SLC44A3: variants seen among roughly 807,000 people sequenced by gnomAD.
SLC44A3 encodes the protein solute carrier family 44 member 3.
Under a neutral mutation model 75.4 loss-of-function variants are expected in SLC44A3, and 74 were observed. The observed-to-expected ratio is 0.98, with a 90% CI of 0.81 to 1.19. The LOEUF (loss-of-function observed/expected upper bound fraction) is 1.19, where lower values mean the gene tolerates loss of function less well. Ranked by LOEUF, SLC44A3 falls within the 50% of genes most tolerant of loss-of-function variation. The pLI is 0.00. For synonymous variants in SLC44A3, 310 were observed against 296.9 expected, an observed-to-expected ratio of 1.04 and a Z score of -0.45; for missense variants, 700 against 778.6, an observed-to-expected ratio of 0.90 and a Z score of 1.20.
chr1:94,859,418 G>C (rs200507133), intron 10 of SLC44A3, among the ~76,000 whole-genome samples: 1 of 141,248 alleles, frequency 7.1e-6, no homozygotes. Context: ...GAGAGCCAAA[G>C]AGAGGGAGGT....
chr1:94,894,864 A>AG lies in SLC44A3; in HGVS notation c.1906dup (p.Asp636GlyfsTer8), dbSNP rs1338836916. 3 of 1,612,504 alleles carry AG rather than the reference A, an allele frequency of 1.9e-6. No homozygotes were observed. The highest frequency in any genetic ancestry group is 3.3e-5 in the Admixed American group (2 of 59,998). The stretch of plus-strand genomic sequence containing the variant: ...AAATTAAACAATGCAAGGGCACAGC[A>AG]GGACAAGCACTCATTAAGGAATGAG... On this transcript the variant is annotated frameshift_variant, in exon 15 of 15. Coordinates refer to ENST00000271227, the MANE Select transcript of SLC44A3 (RefSeq NM_001114106.3). LOFTEE classifies it low-confidence loss of function (END_TRUNC).
At chr1:94,861,254 A>G (rs937399813) in intron 10 of SLC44A3, among the ~76,000 whole-genome samples, 1 of 152,300 alleles carries the variant, frequency 6.6e-6, no homozygotes, top group Non-Finnish European at 1.5e-5. Context: ...GTGTGAGGAG[A>G]TTGGGGGAGT....
At chr1:94,889,836 T>C (rs1265054603) in intron 12 of SLC44A3, among the ~76,000 whole-genome samples, 1 of 152,070 alleles carries the variant, frequency 6.6e-6, no homozygotes, top group African/African-American at 2.4e-5. Context: ...CCAGTTACAC[T>C]GTATATTTTT....
In SLC44A3 at chr1:94,891,135, A is replaced by T; in HGVS notation, c.1488A>T (p.Ala496=). The T allele has an allele frequency of 6.2e-7, 1 of 1,601,306 alleles. No individual in the cohort carries two copies. The highest frequency in any genetic ancestry group is 8.5e-7 in the Non-Finnish European group (1 of 1,176,068). The change falls in exon 13 of 15, where the codon GCA becomes GCT. Residue 496 remains alanine, a synonymous_variant. Transcript: ENST00000271227. ...ACAATTCTCTTCTGTTTCAGAATGC[A>T]TATACTACAACTGCTATTAATGGGA... The part of the protein sequence containing the change: ...DKYLLHLNQN[A]YTTTAINGTD...
At chr1:94,820,521 GA>G in intron 1 of SLC44A3, 43 bp downstream of exon 1, 1 of 1,485,144 alleles carries the variant, frequency 6.7e-7, no homozygotes, top group Non-Finnish European at 8.9e-7. Context: ...GAGCCCCGGG[GA>G]AGGGTCGAGT....
Position 94,864,780 on chromosome 1 carries a change from T to C in SLC44A3, c.1276T>C (p.Ser426Pro). ...NDPPDHPILS[S>P]LSILFFYHQG... ...TCCTCCTGATCATCCCATCCTTTCG[T>C]CTCTCTCCATTCTCTTCTTCTACCA... is the stretch of plus-strand genomic sequence containing the variant. The change falls in exon 11 of 15, where the codon TCT becomes CCT. Residue 426 changes from serine to proline, a missense_variant. Transcript: ENST00000271227. 1 of 1,614,012 alleles carries C rather than the reference T, an allele frequency of 6.2e-7. No homozygotes were observed. The highest frequency in any genetic ancestry group is 8.5e-7 in the Non-Finnish European group (1 of 1,179,916).
At position 94,857,407 on chromosome 1, in the gene SLC44A3, A is replaced by C. The variant is rs1437738952; in HGVS notation, c.1145A>C (p.Tyr382Ser). 2 of 1,614,186 alleles carry C rather than the reference A, an allele frequency of 1.2e-6. No individual in the cohort carries two copies. Among genetic ancestry groups the C allele is most frequent in the South Asian group, 2.2e-5 (2 of 91,078 alleles). ...PLSGIRYMWS[Y>S]HLIGLIWTSE... ...TCGGGCATTCGGTACATGTGGTCGTACCATTTAATTGGCCTCATCTGGACT... is the reference window on the plus strand; with the variant it reads ...TCGGGCATTCGGTACATGTGGTCGTCCCATTTAATTGGCCTCATCTGGACT... The change falls in exon 10 of 15, where the codon TAC becomes TCC. Residue 382 changes from tyrosine to serine, a missense_variant. Transcript: ENST00000271227.
At chr1:94,883,223 G>A (rs145743269) in intron 12 of SLC44A3, among the ~76,000 whole-genome samples, 243 of 152,044 alleles carry the variant, frequency 1.6e-3, no homozygotes, top group African/African-American at 5.7e-3. Flanking sequence ...AGACTAGGCC[G>A]GGTGCGGTGA....
At chr1:94,876,140 A>G (rs1302531014) in intron 12 of SLC44A3, among the ~76,000 whole-genome samples, 1 of 152,178 alleles carries the variant, frequency 6.6e-6, no homozygotes, top group Non-Finnish European at 1.5e-5. Flanking sequence ...ATCTGTGATC[A>G]CAGCTAGGCA....
At chr1:94,834,953 C>T in intron 5 of SLC44A3, among the ~76,000 whole-genome samples, 1 of 152,198 alleles carries the variant, frequency 6.6e-6, no homozygotes, top group Middle Eastern at 3.2e-3. Context: ...TCAAGGTCAA[C>T]TTCACCAGTG....
At chr1:94,890,880 C>A (rs113876907) in intron 12 of SLC44A3, among the ~76,000 whole-genome samples, 2,029 of 152,284 alleles carry the variant, frequency 0.013, 27 homozygotes, top group South Asian at 0.024. Context: ...CTTTACCCAT[C>A]ATTTCCACAT....
At chr1:94,847,999 C>T (rs554747321) in intron 9 of SLC44A3, among the ~76,000 whole-genome samples, 12 of 152,232 alleles carry the variant, frequency 7.9e-5, no homozygotes, top group East Asian at 1.9e-4. Flanking sequence ...GAGGCCAAGG[C>T]GGGCGGATCA....
At chr1:94,837,588 G>C (rs771364405) in intron 5 of SLC44A3, 123 bp from the exon 6 acceptor site, 58 of 895,656 alleles carry the variant, frequency 6.5e-5, no homozygotes, top group Non-Finnish European at 9.2e-5. Flanking sequence ...CAAATGGCAT[G>C]CTAGACGCCT....
chr1:94,868,313 A>T (rs1233443342), intron 12 of SLC44A3, among the ~76,000 whole-genome samples: 1 of 152,208 alleles, frequency 6.6e-6, no homozygotes, highest in East Asian at 1.9e-4. Context: ...TCCCAAAGAA[A>T]TGTACCTTTA....
chr1:94,836,409 A>G (rs1346045054), intron 5 of SLC44A3, among the ~76,000 whole-genome samples: 4 of 152,196 alleles, frequency 2.6e-5, no homozygotes, highest in Admixed American at 6.5e-5. Context: ...CATCAATCAC[A>G]CATTTACTAT....
intron 9 of SLC44A3, among the ~76,000 whole-genome samples, chr1:94,856,203 T>C (rs1571307867): frequency 6.6e-6 from 1 of 152,224 alleles, no homozygotes; most frequent in African/African-American, 2.4e-5. Flanking sequence ...TTATCACTTA[T>C]GGCGCGATAT....
In SLC44A3 at chr1:94,895,174, AAAGTACACTATGTAAGAACTGAGGT is replaced by A. The variant is rs887599124; in HGVS notation, c.*257_*281del. 12 of 361,160 alleles carry A rather than the reference AAAGTACACTATGTAAGAACTGAGGT, an allele frequency of 3.3e-5. No homozygotes were observed. In the Admixed American group the frequency reaches 4.1e-4, roughly 12 times the overall value. The allele number at this position is 361,160 out of a possible 1,614,324, so 22.4% of individuals were successfully genotyped here. On this transcript the variant is annotated 3_prime_UTR_variant, in exon 15 of 15. Transcript: ENST00000271227. ...ACCATGTTTATATGCATCAACTTAC[AAAGTACACTATGTAAGAACTGAGGT>A]AAGTTTGTAAGTGCACAACTAATAA...
chr1:94,824,548 G>A lies in SLC44A3; in HGVS notation c.191G>A (p.Gly64Asp), dbSNP rs1188662753. 2 of 1,612,874 alleles carry A rather than the reference G, an allele frequency of 1.2e-6. No homozygotes were observed. The highest frequency in any genetic ancestry group is 1.7e-6 in the Non-Finnish European group (2 of 1,179,752). The change falls in exon 3 of 15, where the codon GGC becomes GAC. Residue 64 changes from glycine (G) to aspartate (D), a missense_variant. Physicochemically the swap from Gly to Asp is moderately conservative, Grantham distance 94. Coordinates refer to ENST00000271227, the MANE Select transcript of SLC44A3 (RefSeq NM_001114106.3). ...GGAGCCGCGGGAAGACTCCTCTTTG[G>A]CTATGACAGCTTTGGCAACATGTGT... ...VAGAAGRLLFGYDSFGNMCGK... is the reference protein window; with the variant it reads ...VAGAAGRLLFDYDSFGNMCGK...
chr1:94,865,044 T>C (rs925288864), intron 11 of SLC44A3, 145 bp downstream of exon 11: 11 of 639,636 alleles, frequency 1.7e-5, no homozygotes, highest in East Asian at 1.2e-4. Flanking sequence ...TCAGCTCCCA[T>C]CCCCCGCCTC....
Sources: gnomAD v4.1 joint callset for allele counts (sites outside exome capture counted in the v4.1 genomes callset) on GRCh38, gnomAD v4.1.1 for gene constraint, MANE v1.5 for transcripts, NCBI Gene and HGNC (gene_info 2026-07-23, HGNC 2026-07-21) for gene names.